Variants in PIK3CB observed in about 807,000 individuals in gnomAD.
PIK3CB encodes the protein phosphatidylinositol-4,5-bisphosphate 3-kinase catalytic subunit beta, also known as phosphatidylinositol 4,5-bisphosphate 3-kinase catalytic subunit beta isoform.
Under a neutral mutation model 136.8 loss-of-function variants are expected in PIK3CB, and 39 were observed. That is an observed-to-expected ratio of 0.29 (90% CI 0.22 to 0.37). The LOEUF (loss-of-function observed/expected upper bound fraction) is 0.37. PIK3CB is among the 10% of genes least tolerant of loss of function. The pLI is 1.00. For synonymous variants in PIK3CB, 428 were observed against 436.6 expected (o/e 0.98, Z 0.25); for missense variants, 868 against 1,275.4 (o/e 0.68, Z 4.87).
chr3:138,748,344 T>C (rs992150169), intron 4 of PIK3CB, among the ~76,000 whole-genome samples: 7 of 152,120 alleles, frequency 4.6e-5, no homozygotes, highest in Non-Finnish European at 1.0e-4. Context: ...CTGCCAATAA[T>C]TTCCCATCAG....
At chr3:138,659,210 CCT>C (rs1181942815) in intron 21 of PIK3CB, among the ~76,000 whole-genome samples, 3 of 152,184 alleles carry the variant, frequency 2.0e-5, no homozygotes, top group Admixed American at 6.5e-5. Flanking sequence ...ACAAATGTCC[CCT>C]GAGTGAAAAA....
At chr3:138,819,860 G>A (rs988154993) in intron 1 of PIK3CB, among the ~76,000 whole-genome samples, 1 of 152,028 alleles carries the variant, frequency 6.6e-6, no homozygotes, top group African/African-American at 2.4e-5. Flanking sequence ...CTGTAGTCTC[G>A]GGCTACTTGG....
At chr3:138,782,079 TA>T (rs1343209887) in intron 2 of PIK3CB, among the ~76,000 whole-genome samples, 3 of 152,260 alleles carry the variant, frequency 2.0e-5, no homozygotes, top group African/African-American at 7.2e-5. Flanking sequence ...AAAATATATT[TA>T]AAATTCTTAT....
chr3:138,653,476 T>C lies in PIK3CB; in HGVS notation c.*1913A>G. On this transcript the variant is annotated 3_prime_UTR_variant, in exon 24 of 24. Coordinates refer to ENST00000674063, the MANE Select transcript of PIK3CB (RefSeq NM_006219.3). ...CTCCTTTTGGCTGAGGAGACCCCTC[T>C]GGAAAGAATGGTATCCATTTCTTCC... 1 of 178,700 alleles carries C rather than the reference T, an allele frequency of 5.6e-6. No homozygotes were observed. Among genetic ancestry groups the C allele is most frequent in the Non-Finnish European group, 1.2e-5 (1 of 83,248 alleles). 11.1% of individuals were successfully genotyped at this position (178,700 alleles called of 1,614,324 possible).
intron 14 of PIK3CB, among the ~76,000 whole-genome samples, chr3:138,692,670 G>A (rs140126282): frequency 0.014 from 2,137 of 152,232 alleles, 46 homozygotes; most frequent in Middle Eastern, 0.048. Context: ...GTGAGTCTGT[G>A]TAATTACTTT....
intron 1 of PIK3CB, among the ~76,000 whole-genome samples, chr3:138,810,626 A>T (rs1268150021): frequency 6.6e-6 from 1 of 152,192 alleles, no homozygotes; most frequent in Middle Eastern, 3.4e-3. Context: ...CATCAAAAAC[A>T]AGAAATGTTG....
At chr3:138,670,953 C>T (rs1210122013) in intron 19 of PIK3CB, among the ~76,000 whole-genome samples, 2 of 151,904 alleles carry the variant, frequency 1.3e-5, no homozygotes, top group Non-Finnish European at 2.9e-5. Flanking sequence ...AAAATTATTT[C>T]TTTTTTTAAA....
chr3:138,696,856 T>TA (rs1005406153), intron 13 of PIK3CB, among the ~76,000 whole-genome samples: 1 of 151,688 alleles, frequency 6.6e-6, no homozygotes, highest in African/African-American at 2.4e-5. Context: ...ATAGCAGTAA[T>TA]AAAAAAAACT....
chr3:138,701,500 G>T (rs952424343), intron 12 of PIK3CB, among the ~76,000 whole-genome samples: 5 of 152,124 alleles, frequency 3.3e-5, no homozygotes, highest in Middle Eastern at 3.2e-3. Flanking sequence ...AAAAGGACAT[G>T]ATGTGGCCGG....
chr3:138,771,223 CTT>C (rs34387538), intron 2 of PIK3CB, among the ~76,000 whole-genome samples: 6 of 129,820 alleles, frequency 4.6e-5, no homozygotes, highest in Non-Finnish European at 3.2e-5. Context: ...TTCATTTTGC[CTT>C]TTTTTTTTTT....
intron 8 of PIK3CB, among the ~76,000 whole-genome samples, chr3:138,723,305 C>T (rs1309236661): frequency 1.3e-5 from 2 of 152,166 alleles, no homozygotes; most frequent in African/African-American, 2.4e-5. Flanking sequence ...AATCGCAACA[C>T]TTTGGGAGGT....
At chr3:138,815,040 T>C (rs1933243223) in intron 1 of PIK3CB, among the ~76,000 whole-genome samples, 2 of 146,804 alleles carry the variant, frequency 1.4e-5, no homozygotes, top group African/African-American at 5.1e-5. Context: ...CTCAGGAGGC[T>C]GAGGCAGGAG....
intron 2 of PIK3CB, among the ~76,000 whole-genome samples, chr3:138,785,236 C>CG (rs1006408685): frequency 8.2e-5 from 12 of 146,790 alleles, no homozygotes; most frequent in South Asian, 4.3e-4. Flanking sequence ...CGGAGGGAGG[C>CG]GGGGGGAAGC....
chr3:138,729,450 A>G (rs1445959262), intron 8 of PIK3CB, among the ~76,000 whole-genome samples: 1 of 152,202 alleles, frequency 6.6e-6, no homozygotes, highest in Admixed American at 6.5e-5. Flanking sequence ...TGTGATCAGT[A>G]GACTGGGTAA....
intron 1 of PIK3CB, among the ~76,000 whole-genome samples, chr3:138,817,511 T>C (rs1018788738): frequency 6.6e-6 from 1 of 151,950 alleles, no homozygotes; most frequent in East Asian, 1.9e-4. Flanking sequence ...AGTGAAACTC[T>C]ATCTCAAAAA....
chr3:138,674,458 C>T (rs916665483), intron 19 of PIK3CB, among the ~76,000 whole-genome samples: 6 of 151,986 alleles, frequency 3.9e-5, no homozygotes, highest in African/African-American at 1.5e-4. Flanking sequence ...AGTGACCACA[C>T]ATGACAAAAA....
At chr3:138,758,497 G>A (rs1011020323) in intron 3 of PIK3CB, among the ~76,000 whole-genome samples, 15 of 152,208 alleles carry the variant, frequency 9.9e-5, no homozygotes, top group Non-Finnish European at 1.9e-4. Context: ...ATGCATGAGC[G>A]TATGAGATGC....
At chr3:138,695,883 G>A (rs1018720099) in intron 13 of PIK3CB, among the ~76,000 whole-genome samples, 5 of 149,736 alleles carry the variant, frequency 3.3e-5, no homozygotes, top group Admixed American at 3.3e-4. Flanking sequence ...AGCCTCCCGA[G>A]TAGCTGGGAT....
At chr3:138,726,514 C>T (rs577718017) in intron 8 of PIK3CB, among the ~76,000 whole-genome samples, 31 of 152,268 alleles carry the variant, frequency 2.0e-4, no homozygotes, top group African/African-American at 7.0e-4. Flanking sequence ...GCCACTGCTA[C>T]CACCGTTGCT....
Sources: allele counts gnomAD v4.1 joint callset (sites outside exome capture counted in the v4.1 genomes callset), GRCh38; gene constraint gnomAD v4.1.1; transcripts MANE v1.5; gene names NCBI Gene and HGNC (gene_info 2026-07-23, HGNC 2026-07-21).